The following CAMK2A variants were observed in gnomAD, a reference collection of about 807,000 sequenced individuals.
CAMK2A encodes the protein calcium/calmodulin dependent protein kinase II alpha, also known as calcium/calmodulin-dependent protein kinase type II subunit alpha.
In CAMK2A, 7 loss-of-function variants were observed where a neutral mutation model predicts 79.2. The ratio of observed to expected loss-of-function variants is 0.09; its 90% CI spans 0.05 to 0.17. The LOEUF is 0.17. Among genes scored for constraint, CAMK2A ranks in the 10% least tolerant of loss-of-function variants. The pLI is 1.00. For missense variants in CAMK2A, 214 were observed against 646.4 expected (o/e 0.33, Z 7.25); for synonymous variants, 242 against 251.7 (o/e 0.96, Z 0.36).
chr5:150,251,810 G>C lies in CAMK2A; in HGVS notation c.633C>G (p.Pro211=), dbSNP rs1172744648. The C allele has an allele frequency of 1.9e-6, 3 of 1,608,676 alleles. No individual in the cohort carries two copies. The highest frequency in any genetic ancestry group is 2.7e-5 in the African/African-American group (2 of 74,824). ...GGTGCTGGTCCTCATCCCAGAACGG[G>C]GGGTACCCAACCAGCAGGATGTACA... The part of the protein sequence containing the change: ...VILYILLVGY[P]PFWDEDQHRL... Residue 211 remains proline (P), a synonymous_variant, in exon 9 of 19, where the codon CCC becomes CCG. Coordinates refer to ENST00000671881, the MANE Select transcript of CAMK2A (RefSeq NM_015981.4).
chr5:150,277,274 G>T (rs1006976561), intron 1 of CAMK2A, among the ~76,000 whole-genome samples: 8 of 152,246 alleles, frequency 5.3e-5, no homozygotes, highest in African/African-American at 1.9e-4. Context: ...GCACCTCTGG[G>T]TGTAGGCCCA....
In CAMK2A at chr5:150,222,250, A is replaced by C; in HGVS notation, c.*460T>G. 9.5e-6 allele frequency: 5 copies of C among 524,156 alleles called. No individual in the cohort carries two copies. Among genetic ancestry groups the C allele is most frequent in the Non-Finnish European group, 6.9e-6 (2 of 288,624 alleles). The allele number at this position is 524,156 out of a possible 1,614,324, so 32.5% of individuals were successfully genotyped here. On this transcript the variant is annotated 3_prime_UTR_variant, in exon 19 of 19. Coordinates refer to ENST00000671881, the MANE Select transcript of CAMK2A (RefSeq NM_015981.4). ...CTTCAGTGCGGTTGGCTTAGGGGGA[A>C]GGGAGTGTCATCTGCCCTTCCCCGG...
rs1206229476 is a variant in CAMK2A at position 150,289,644 on chromosome 5, G to C, written c.-19C>G. ...TGGCCATCCTGGCGCTGGGCAGGCA[G>C]GTGAGGCTTGGGACTGGGGGACCAG... On this transcript the variant is annotated 5_prime_UTR_variant, in exon 1 of 19. Coordinates refer to ENST00000671881, the MANE Select transcript of CAMK2A (RefSeq NM_015981.4). The C allele has an allele frequency of 6.2e-7, 1 of 1,610,628 alleles. No homozygotes were observed. The highest frequency in any genetic ancestry group is 2.2e-5 in the East Asian group (1 of 44,866).
Position 150,289,696 on chromosome 5 carries a change from G to T in CAMK2A, c.-71C>A. ...ACTGAGGCGCTGCTGCTCTGCTCCC[G>T]AACCTAGGGACCACTTGCCTGCCCG... is the stretch of plus-strand genomic sequence containing the variant. On this transcript the variant is annotated 5_prime_UTR_variant, in exon 1 of 19. Transcript: ENST00000671881. 7.9e-7 allele frequency: 1 copy of T among 1,266,874 alleles called. No individual in the cohort carries two copies. Among genetic ancestry groups the T allele is most frequent in the Non-Finnish European group, 1.1e-6 (1 of 878,558 alleles). The allele number at this position is 1,266,874 out of a possible 1,614,324, so 78.5% of individuals were successfully genotyped here.
chr5:150,250,548 C>G (rs1306612208), intron 10 of CAMK2A, 140 bp downstream of exon 10: 19 of 1,238,164 alleles, frequency 1.5e-5, no homozygotes, highest in East Asian at 2.3e-5. Flanking sequence ...CACATTACCC[C>G]TGAGAACCAC....
At chr5:150,251,895 G>C (rs59160997) in intron 8 of CAMK2A, 51 bp from the exon 9 acceptor site, 11 of 1,548,982 alleles carry the variant, frequency 7.1e-6, no homozygotes, top group Admixed American at 1.7e-5. Context: ...GGAGACATGG[G>C]GGGAGGGGAG....
chr5:150,262,975 A>G (rs551582277), intron 3 of CAMK2A, among the ~76,000 whole-genome samples: 1 of 152,254 alleles, frequency 6.6e-6, no homozygotes, highest in East Asian at 1.9e-4. Context: ...AATCATATGG[A>G]GTTTTAGGCA....
At chr5:150,283,142 T>C (rs935958471) in intron 1 of CAMK2A, among the ~76,000 whole-genome samples, 1 of 152,212 alleles carries the variant, frequency 6.6e-6, no homozygotes. Flanking sequence ...CCACCCTGCC[T>C]GGCCCCCTCT....
intron 3 of CAMK2A, among the ~76,000 whole-genome samples, chr5:150,258,561 T>A (rs2150286552): frequency 6.6e-6 from 1 of 152,360 alleles, no homozygotes; most frequent in South Asian, 2.1e-4. Flanking sequence ...TAGTACTTTT[T>A]TAAAGGATGT....
At chr5:150,239,677 C>T (rs567730311) in intron 14 of CAMK2A, 27 bp downstream of exon 14, 14 of 1,611,648 alleles carry the variant, frequency 8.7e-6, no homozygotes, top group Admixed American at 1.7e-5. Context: ...CAGCATTTAC[C>T]GGCGTTAGGA....
intron 13 of CAMK2A, among the ~76,000 whole-genome samples, chr5:150,244,302 T>C (rs569219214): frequency 3.3e-4 from 50 of 152,226 alleles, no homozygotes; most frequent in Non-Finnish European, 6.8e-4. Flanking sequence ...CCAGAGACCA[T>C]AAATGCCTCC....
At chr5:150,249,202 C>T (rs111819118) in intron 11 of CAMK2A, among the ~76,000 whole-genome samples, 8 of 152,254 alleles carry the variant, frequency 5.3e-5, no homozygotes, top group Non-Finnish European at 1.0e-4. Flanking sequence ...GACGGCTCCT[C>T]TGTTCCACTG....
At position 150,262,036 on chromosome 5, in the gene CAMK2A, G is replaced by A. The variant is rs146881837; in HGVS notation, c.217+2920C>T. ...CTGTGCCTTGGGGTGGCCTTCTGGC[G>A]TCTCCCTCATCTGCAGGTGGTGATG... On this transcript the variant is annotated intron_variant, in intron 3 of 18. Transcript: ENST00000671881. Among the ~76,000 whole-genome samples the A allele has an allele frequency of 9.0e-3, 1,371 of 152,264 alleles. 24 individuals carry two copies. The highest frequency in any genetic ancestry group is 0.027 in the South Asian group (129 of 4,826).
intron 1 of CAMK2A, among the ~76,000 whole-genome samples, chr5:150,283,305 T>C (rs1394010746): frequency 6.6e-6 from 1 of 152,220 alleles, no homozygotes; most frequent in Non-Finnish European, 1.5e-5. Context: ...TTGTCTGGGT[T>C]GTTCCCACTC....
rs139637226 is a variant in CAMK2A, at chr5:150,285,252, C to T, written c.62+4312G>A. 6.4e-3 allele frequency among the ~76,000 whole-genome samples: 977 copies of T among 152,294 alleles called. 9 individuals carry two copies. The highest frequency in any genetic ancestry group is 0.021 in the African/African-American group (878 of 41,542). On this transcript the variant is annotated intron_variant, in intron 1 of 18. Transcript: ENST00000671881. ...CCAGTCTCTCCACCTCCTCAAGCTG[C>T]GGTCTCCTCATCTGTAAGATGGATG...
chr5:150,269,110 G>C (rs1259946046), intron 2 of CAMK2A, among the ~76,000 whole-genome samples: 2 of 152,030 alleles, frequency 1.3e-5, no homozygotes, highest in Non-Finnish European at 2.9e-5. Flanking sequence ...CATTGGCTCA[G>C]CAGAGTCCCA....
At chr5:150,244,303 A>G (rs144803591) in intron 13 of CAMK2A, among the ~76,000 whole-genome samples, 2 of 152,326 alleles carry the variant, frequency 1.3e-5, no homozygotes, top group Non-Finnish European at 2.9e-5. Context: ...CAGAGACCAT[A>G]AATGCCTCCT....
At chr5:150,277,779 C>T (rs1030604392) in intron 1 of CAMK2A, among the ~76,000 whole-genome samples, 11 of 152,188 alleles carry the variant, frequency 7.2e-5, no homozygotes, top group Non-Finnish European at 1.2e-4. Flanking sequence ...CCCTCACAAG[C>T]GCAGAAGTCT....
chr5:150,274,739 G>A (rs974209054), intron 1 of CAMK2A, among the ~76,000 whole-genome samples: 3 of 150,748 alleles, frequency 2.0e-5, no homozygotes, highest in Non-Finnish European at 4.4e-5. Flanking sequence ...AGGTCACATG[G>A]TTCATAACAG....
Sources: allele counts gnomAD v4.1 joint callset (sites outside exome capture counted in the v4.1 genomes callset), GRCh38; gene constraint gnomAD v4.1.1; transcripts MANE v1.5; gene names NCBI Gene and HGNC (gene_info 2026-07-23, HGNC 2026-07-21).